The following KATNB1 variants were observed in gnomAD, a reference collection of about 807,000 sequenced individuals.
KATNB1 encodes katanin p80 WD40 repeat-containing subunit B1.
A neutral mutation model predicts 82.3 loss-of-function variants in KATNB1; 38 were observed. The ratio of observed to expected loss-of-function variants is 0.46; its 90% CI spans 0.36 to 0.61. The LOEUF (loss-of-function observed/expected upper bound fraction) is 0.61. Among genes scored for constraint, KATNB1 ranks in the 20% least tolerant of loss-of-function variants. The pLI is 0.00. For missense variants in KATNB1, 749 were observed against 915.7 expected (o/e 0.82, Z 2.35); for synonymous variants, 361 against 368.7 (o/e 0.98, Z 0.24).
intron 4 of KATNB1, among the ~76,000 whole-genome samples, chr16:57,746,703 G>T (rs1386517720): frequency 6.6e-6 from 1 of 152,092 alleles, no homozygotes; most frequent in African/African-American, 2.4e-5. Context: ...AAATTCATGT[G>T]CCTTGGTGCC....
In KATNB1 at chr16:57,741,921, C is replaced by T. The variant is rs1278318100; in HGVS notation, c.171+104C>T. The stretch of plus-strand genomic sequence containing the variant: ...GAGCAGCTTCTCAGACTCTCTTGAG[C>T]CCAGGGCCCCCTATCCGCTGGGGCC... On this transcript the variant is annotated intron_variant, in intron 3 of 19. Coordinates refer to ENST00000379661, the MANE Select transcript of KATNB1 (RefSeq NM_005886.3). 3.8e-6 allele frequency: 5 copies of T among 1,327,396 alleles called. No individual in the cohort carries two copies. In the East Asian group the frequency reaches 7.6e-5, roughly 20 times the overall value. 82.2% of individuals were successfully genotyped at this position (1,327,396 alleles called of 1,614,324 possible).
rs1555586545 is a variant in KATNB1 at position 57,756,408 on chromosome 16, C to T, written c.1771C>T (p.Pro591Ser). 6.2e-7 allele frequency: 1 copy of T among 1,613,990 alleles called. No individual in the cohort carries two copies. Among genetic ancestry groups the T allele is most frequent in the East Asian group, 2.2e-5 (1 of 44,884 alleles). ...GAAGCTGATCCTGCAGCGGTTTCTG[C>T]CCCTCATCACAGACATGCTGGCGGC... ...SLKLILQRFL[P>S]LITDMLAAPP... Residue 591 changes from proline to serine, a missense_variant, in exon 19 of 20, where the codon CCC (proline) becomes TCC (serine). Pro to Ser is a moderately conservative substitution (Grantham distance 74, BLOSUM62 -1). This residue lies in a region of KATNB1 where 95 missense variants were observed against 131.6 expected (regional missense o/e 0.72). Transcript: ENST00000379661.
chr16:57,737,548 A>G (rs2049110192), intron 2 of KATNB1, among the ~76,000 whole-genome samples: 1 of 152,262 alleles, frequency 6.6e-6, no homozygotes, highest in Non-Finnish European at 1.5e-5. Flanking sequence ...TGTGAAATTC[A>G]AGTGACAGGA....
chr16:57,737,127 T>G lies in KATNB1; in HGVS notation c.-117T>G. 1 of 1,266,732 alleles carries G rather than the reference T, an allele frequency of 7.9e-7. No individual in the cohort carries two copies. The highest frequency in any genetic ancestry group is 1.1e-6 in the Non-Finnish European group (1 of 886,232). 78.5% of individuals were successfully genotyped at this position (1,266,732 alleles called of 1,614,324 possible). ...AGACGAGGCATTCTGTCTGCCTGGATGTGTGGGAACTCTCTGCCAACTTGA... is the reference window on the plus strand; with the variant it reads ...AGACGAGGCATTCTGTCTGCCTGGAGGTGTGGGAACTCTCTGCCAACTTGA... On this transcript the variant is annotated 5_prime_UTR_variant, in exon 2 of 20. The change abolishes an upstream ATG in the 5' untranslated region. Transcript: ENST00000379661.
intron 4 of KATNB1, among the ~76,000 whole-genome samples, chr16:57,745,420 G>A (rs34719190): frequency 0.077 from 11,601 of 151,186 alleles, 504 homozygotes; most frequent in South Asian, 0.13. Flanking sequence ...AAAATTAGCC[G>A]GGTGTGGTGG....
At chr16:57,744,655 C>CTTCAA in intron 4 of KATNB1, 144 bp downstream of exon 4, 1 of 705,322 alleles carries the variant, frequency 1.4e-6, no homozygotes. Context: ...GTGGCACCCA[C>CTTCAA]TCCACCCCCA....
At chr16:57,744,263 T>C in intron 3 of KATNB1, 131 bp from the exon 4 acceptor site, 1 of 735,010 alleles carries the variant, frequency 1.4e-6, no homozygotes, top group South Asian at 1.6e-5. Flanking sequence ...GGCTAGGCTG[T>C]GGCCCCCATG....
Position 57,736,905 on chromosome 16 carries a change from C to T in KATNB1, c.-266-73C>T, listed in dbSNP as rs1004070650. Reference sequence around the variant, plus strand: ...TGGGTGTCAGTCTTTATCAAGTGGTCTTGGTGATCCAGGGAGCAACAGCTC... The same window carrying T: ...TGGGTGTCAGTCTTTATCAAGTGGTTTTGGTGATCCAGGGAGCAACAGCTC... On this transcript the variant is annotated intron_variant, in intron 1 of 19. Transcript: ENST00000379661. The T allele has an allele frequency of 7.9e-5, 45 of 567,250 alleles. 3 individuals are homozygous for T. The highest frequency in any genetic ancestry group is 6.5e-4 in the South Asian group (42 of 64,556). 35.1% of individuals were successfully genotyped at this position (567,250 alleles called of 1,614,324 possible).
intron 2 of KATNB1, among the ~76,000 whole-genome samples, chr16:57,738,381 G>A (rs1424081110): frequency 1.3e-5 from 2 of 151,308 alleles, no homozygotes; most frequent in African/African-American, 2.4e-5. Context: ...TCAGCCTCCC[G>A]AGTAGCTGGG....
At chr16:57,741,292 A>G (rs1180331759) in intron 2 of KATNB1, among the ~76,000 whole-genome samples, 1 of 152,192 alleles carries the variant, frequency 6.6e-6, no homozygotes, top group Non-Finnish European at 1.5e-5. Flanking sequence ...TTCTTTTTGT[A>G]TCATAGAAAG....
Position 57,746,894 on chromosome 16 carries a change from C to CT in KATNB1, c.289+2390dup, listed in dbSNP as rs545796199. Among the ~76,000 whole-genome samples the CT allele has an allele frequency of 1.5e-3, 235 of 152,138 alleles. 2 individuals carry two copies. Among genetic ancestry groups the CT allele is most frequent in the African/African-American group, 5.3e-3 (218 of 41,522 alleles). ...TTGCCTGATGCTTTTCTTTTCTTTT[C>CT]TTTTTTTGAGACAGTGTCACTCTGT... On this transcript the variant is annotated intron_variant, in intron 4 of 19. Coordinates refer to ENST00000379661, the MANE Select transcript of KATNB1 (RefSeq NM_005886.3).
chr16:57,754,092 C>A, intron 13 of KATNB1, 97 bp downstream of exon 13: 2 of 1,049,078 alleles, frequency 1.9e-6, no homozygotes, highest in South Asian at 1.4e-5. Context: ...CTTCCCAGGA[C>A]CCTCCCCTCT....
Position 57,756,829 on chromosome 16 carries a change from G to A in KATNB1, c.1851G>A (p.Arg617=). 3 of 1,572,332 alleles carry A rather than the reference G, an allele frequency of 1.9e-6. No homozygotes were observed. Among genetic ancestry groups the A allele is most frequent in the Non-Finnish European group, 2.6e-6 (3 of 1,157,104 alleles). ...ISREERLHKC[R]LCYKQLKSIS... Reference sequence around the variant, plus strand: ...CTCTCTACAGGCTGCATAAGTGCCGGCTCTGCTACAAGCAGCTTAAGAGCA... The same window carrying A: ...CTCTCTACAGGCTGCATAAGTGCCGACTCTGCTACAAGCAGCTTAAGAGCA... Residue 617 remains arginine (R), a synonymous_variant, in exon 20 of 20, where the codon CGG becomes CGA. Transcript: ENST00000379661.
rs376340402 is a variant in KATNB1 at position 57,752,134 on chromosome 16, G to A, written c.632+79G>A. ...GTCCTCTGTGCGTGTCTCTACTGCC[G>A]GTCTGTCGCTGTCTGGGGTGTCATA... is the stretch of plus-strand genomic sequence containing the variant. On this transcript the variant is annotated intron_variant, in intron 8 of 19. Coordinates refer to ENST00000379661, the MANE Select transcript of KATNB1 (RefSeq NM_005886.3). 284 of 909,016 alleles carry A rather than the reference G, an allele frequency of 3.1e-4. 3 individuals carry two copies. The African/African-American group carries it at 3.4e-3, about 11-fold the overall frequency. The allele number at this position is 909,016 out of a possible 1,614,324, so 56.3% of individuals were successfully genotyped here.
rs1394174517 is a variant in KATNB1, at chr16:57,751,411, G to A, written c.432+109G>A. ...GAGGGGACGGCTGTCCCACATGGGTGATAACATAAAACATAGACCTGGAGC... is the reference window on the plus strand; with the variant it reads ...GAGGGGACGGCTGTCCCACATGGGTAATAACATAAAACATAGACCTGGAGC... On this transcript the variant is annotated intron_variant, in intron 6 of 19. Transcript: ENST00000379661. This position sits in a 1 kb window ranked among gnomAD's most constrained non-coding sequence, Gnocchi z 6.3. 2 of 1,182,648 alleles carry A rather than the reference G, an allele frequency of 1.7e-6. No homozygotes were observed. The highest frequency in any genetic ancestry group is 2.5e-6 in the Non-Finnish European group (2 of 793,012). 73.3% of individuals were successfully genotyped at this position (1,182,648 alleles called of 1,614,324 possible).
At position 57,751,556 on chromosome 16, in the gene KATNB1, AAGGGGT is replaced by A. The variant is rs1555583096; in HGVS notation, c.433-84_433-79del. Reference sequence around the variant, plus strand: ...GCGGGTAACCAGTGTTGTTAGATGGAAGGGGTCCCATAGGAGTGAGGAGGCAGGGAG... The same window carrying A: ...GCGGGTAACCAGTGTTGTTAGATGGACCCATAGGAGTGAGGAGGCAGGGAG... On this transcript the variant is annotated intron_variant, in intron 6 of 19. Transcript: ENST00000379661. This position sits in a 1 kb window ranked among gnomAD's most constrained non-coding sequence, Gnocchi z 6.3. 1 of 1,275,758 alleles carries A rather than the reference AAGGGGT, an allele frequency of 7.8e-7. No homozygotes were observed. The highest frequency in any genetic ancestry group is 1.1e-6 in the Non-Finnish European group (1 of 882,616). 79.0% of individuals were successfully genotyped at this position (1,275,758 alleles called of 1,614,324 possible).
At chr16:57,747,124 C>T (rs1471336073) in intron 4 of KATNB1, among the ~76,000 whole-genome samples, 2 of 152,282 alleles carry the variant, frequency 1.3e-5, no homozygotes, top group African/African-American at 2.4e-5. Flanking sequence ...TCAGGTGATC[C>T]GCCCACTTCA....
intron 4 of KATNB1, among the ~76,000 whole-genome samples, chr16:57,746,423 G>A (rs1223478628): frequency 6.6e-6 from 1 of 152,036 alleles, no homozygotes; most frequent in Non-Finnish European, 1.5e-5. Flanking sequence ...CAGTGTTCTG[G>A]TGTGGTGAGC....
chr16:57,755,792 C>T (rs782101725), intron 16 of KATNB1, 49 bp from the exon 17 acceptor site: 4 of 1,532,956 alleles, frequency 2.6e-6, no homozygotes, highest in South Asian at 1.3e-5. Flanking sequence ...CCTCACAGGG[C>T]CACACTGTCC....
Sources: gnomAD v4.1 joint callset for allele counts (sites outside exome capture counted in the v4.1 genomes callset) on GRCh38, gnomAD v4.1.1 for gene constraint, gnomAD v4.1.1 regional missense constraint, Gnocchi (gnomAD v3.1) non-coding constraint, MANE v1.5 for transcripts, NCBI Gene and HGNC (gene_info 2026-07-23, HGNC 2026-07-21) for gene names.